NUP210L: variants seen among roughly 807,000 people sequenced by gnomAD.
The protein encoded by NUP210L is nuclear pore membrane glycoprotein 210-like.
A neutral mutation model predicts 208.5 loss-of-function variants in NUP210L; 74 were observed. The observed-to-expected ratio is 0.35, with a 90% CI of 0.29 to 0.43. The LOEUF is 0.43. Among genes scored for constraint, NUP210L ranks in the 20% least tolerant of loss-of-function variants. The probability of loss-of-function intolerance (pLI) is 1.00; values close to 1 mark genes in which losing one functional copy is unlikely to be tolerated. For synonymous variants in NUP210L, 780 were observed against 816.9 expected, an observed-to-expected ratio of 0.95 and a Z score of 0.77; for missense variants, 1,843 against 2,289.4, an observed-to-expected ratio of 0.81 and a Z score of 3.98.
intron 7 of NUP210L, among the ~76,000 whole-genome samples, chr1:154,133,657 T>C (rs1658369617): frequency 6.6e-6 from 1 of 150,932 alleles, no homozygotes; most frequent in South Asian, 2.1e-4. Context: ...GTGGGCAACA[T>C]GGCGAGACCT....
At chr1:154,098,561 A>C (rs1440567506) in intron 14 of NUP210L, among the ~76,000 whole-genome samples, 1 of 152,170 alleles carries the variant, frequency 6.6e-6, no homozygotes, top group Non-Finnish European at 1.5e-5. Context: ...CAGTGTCTGC[A>C]GCTCTCAGCA....
intron 9 of NUP210L, among the ~76,000 whole-genome samples, chr1:154,126,918 C>G (rs758205773): frequency 5.9e-5 from 9 of 151,756 alleles, no homozygotes; most frequent in Non-Finnish European, 8.8e-5. Flanking sequence ...TTCTATAATT[C>G]TGACCAAATT....
exon 1 of NUP210L, chr1:154,154,978 G>C (rs758006021): frequency 2.5e-5 from 40 of 1,613,922 alleles, no homozygotes; most frequent in Non-Finnish European, 3.4e-5. Flanking sequence ...AACAGGAGGC[G>C]GTGTAGACGC....
intron 17 of NUP210L, among the ~76,000 whole-genome samples, chr1:154,067,887 AG>A (rs1261873804): frequency 5.9e-5 from 9 of 152,216 alleles, no homozygotes; most frequent in Non-Finnish European, 1.0e-4. Context: ...CCAACTTACA[AG>A]GGATGTGAAG....
chr1:154,007,273 T>A (rs116042776), intron 35 of NUP210L, among the ~76,000 whole-genome samples: 10,564 of 42,540 alleles, frequency 0.25, 434 homozygotes, highest in African/African-American at 0.38. Context: ...ATATATATAT[T>A]TTTTTTGAGA....
At chr1:154,073,635 C>T (rs763739503) in intron 16 of NUP210L, among the ~76,000 whole-genome samples, 19 of 151,626 alleles carry the variant, frequency 1.3e-4, no homozygotes, top group South Asian at 4.2e-4. Flanking sequence ...GCTAACATGG[C>T]GAAACCCTGT....
intron 37 of NUP210L, among the ~76,000 whole-genome samples, chr1:153,995,456 T>G (rs1044565905): frequency 6.6e-6 from 1 of 152,204 alleles, no homozygotes; most frequent in Non-Finnish European, 1.5e-5. Flanking sequence ...GAACTATACT[T>G]GGCTCAACCG....
chr1:154,033,655 G>A (rs1464197121), intron 27 of NUP210L, among the ~76,000 whole-genome samples: 1 of 152,152 alleles, frequency 6.6e-6, no homozygotes, highest in Non-Finnish European at 1.5e-5. Context: ...CTATAGCTCT[G>A]TCATATAATT....
chr1:154,045,658 G>A (rs1484795393), intron 27 of NUP210L, among the ~76,000 whole-genome samples: 1 of 152,168 alleles, frequency 6.6e-6, no homozygotes, highest in African/African-American at 2.4e-5. Context: ...TAATAATATT[G>A]TGTAGTTTAG....
exon 1 of NUP210L, chr1:154,154,948 C>A: frequency 1.2e-6 from 2 of 1,614,202 alleles, no homozygotes; most frequent in Non-Finnish European, 1.7e-6. Context: ...GCCAGGGTCC[C>A]ACGCAAAACC....
rs146480239 is a variant in NUP210L at position 154,046,497 on chromosome 1, C to T, written c.3484-128G>A. ...TAAAAAACCTTGCCCATGCTTATTG[C>T]AGCACTATTCACAATAGCCAATATT... On this transcript the variant is annotated intron_variant, in intron 25 of 39. Transcript: ENST00000368559. 1.3e-4 allele frequency: 94 copies of T among 737,894 alleles called. No homozygotes were observed. The African/African-American group carries it at 1.5e-3, about 12-fold the overall frequency. 45.7% of individuals were successfully genotyped at this position (737,894 alleles called of 1,614,324 possible).
intron 33 of NUP210L, among the ~76,000 whole-genome samples, chr1:154,012,849 A>AC (rs920955020): frequency 6.6e-6 from 1 of 151,014 alleles, no homozygotes; most frequent in South Asian, 2.1e-4. Flanking sequence ...ACTAAAAAAA[A>AC]CACAAAATTA....
chr1:154,033,992 C>T (rs1164356356), intron 27 of NUP210L, among the ~76,000 whole-genome samples: 1 of 151,994 alleles, frequency 6.6e-6, no homozygotes, highest in Non-Finnish European at 1.5e-5. Context: ...GGCATGATCT[C>T]AGCTCACTGC....
At chr1:154,047,283 T>A (rs747950924) in intron 25 of NUP210L, among the ~76,000 whole-genome samples, 1 of 151,982 alleles carries the variant, frequency 6.6e-6, no homozygotes, top group Admixed American at 6.5e-5. Context: ...AAAGGATAAA[T>A]GCTTGAGGTG....
chr1:154,138,640 T>A (rs1295446233), intron 5 of NUP210L, among the ~76,000 whole-genome samples: 1 of 152,240 alleles, frequency 6.6e-6, no homozygotes, highest in African/African-American at 2.4e-5. Context: ...TATGAAGATT[T>A]ACCCAATGCA....
intron 10 of NUP210L, among the ~76,000 whole-genome samples, chr1:154,124,224 A>G (rs1203907044): frequency 7.0e-6 from 1 of 142,950 alleles, no homozygotes; most frequent in African/African-American, 2.5e-5. Context: ...GAGAGAGCAC[A>G]ACGGGGATGG....
intron 12 of NUP210L, among the ~76,000 whole-genome samples, chr1:154,114,558 G>A (rs1022337145): frequency 1.3e-5 from 2 of 151,950 alleles, no homozygotes; most frequent in East Asian, 1.9e-4. Context: ...GGTGAATTAC[G>A]CTAAATGTAT....
chr1:154,046,509 C>A (rs1653189835), intron 25 of NUP210L, 140 bp from the exon 26 acceptor site: 2 of 688,518 alleles, frequency 2.9e-6, no homozygotes, highest in Non-Finnish European at 5.1e-6. Context: ...GCACTATTCA[C>A]AATAGCCAAT....
At chr1:154,121,185 G>A (rs368467495) in intron 10 of NUP210L, among the ~76,000 whole-genome samples, 3 of 152,264 alleles carry the variant, frequency 2.0e-5, no homozygotes, top group African/African-American at 7.2e-5. Context: ...TTTTAGGGGA[G>A]CAACCAGTTG....
Sources: allele counts gnomAD v4.1 joint callset (sites outside exome capture counted in the v4.1 genomes callset), GRCh38; gene constraint gnomAD v4.1.1; transcripts MANE v1.5; gene names NCBI Gene and HGNC (gene_info 2026-07-23, HGNC 2026-07-21).